Variants in FSTL5 observed in about 807,000 individuals in gnomAD.
FSTL5 encodes the protein follistatin like 5, also known as follistatin-related protein 5.
FSTL5 carries 62 observed loss-of-function variants against 89.1 expected under a neutral mutation model. That is an observed-to-expected ratio of 0.70 (90% CI 0.57 to 0.86). The LOEUF is 0.86. Among genes scored for constraint, FSTL5 ranks in the 40% least tolerant of loss-of-function variants. The pLI is 0.00. For missense variants in FSTL5, 1,057 were observed against 1,001.6 expected, an observed-to-expected ratio of 1.06 and a Z score of -0.75; for synonymous variants, 383 against 346.2, an observed-to-expected ratio of 1.11 and a Z score of -1.18.
At chr4:161,794,468 T>G (rs181852199) in intron 4 of FSTL5, among the ~76,000 whole-genome samples, 5 of 152,200 alleles carry the variant, frequency 3.3e-5, no homozygotes, top group African/African-American at 1.2e-4. Context: ...CATATTAAGG[T>G]AATTGTAAAT....
intron 15 of FSTL5, among the ~76,000 whole-genome samples, chr4:161,407,844 C>T (rs992774641): frequency 1.3e-5 from 2 of 152,200 alleles, no homozygotes; most frequent in African/African-American, 2.4e-5. Flanking sequence ...CTTTGCTCCA[C>T]CTCAATGTGT....
chr4:161,984,637 C>A (rs1486667440), intron 3 of FSTL5, among the ~76,000 whole-genome samples: 1 of 152,108 alleles, frequency 6.6e-6, no homozygotes, highest in African/African-American at 2.4e-5. Context: ...GTCTTTCCCC[C>A]TTAGCCTCCC....
intron 4 of FSTL5, among the ~76,000 whole-genome samples, chr4:161,808,666 A>G (rs578254410): frequency 6.6e-6 from 1 of 152,286 alleles, no homozygotes; most frequent in South Asian, 2.1e-4. Flanking sequence ...ATCAAAATTG[A>G]AAACTGTTCA....
chr4:161,861,306 C>A (rs1158302240), intron 4 of FSTL5, among the ~76,000 whole-genome samples: 1 of 152,234 alleles, frequency 6.6e-6, no homozygotes, highest in South Asian at 2.1e-4. Context: ...GCCGCAATCG[C>A]AGCTGCTTGG....
At chr4:161,500,286 A>C in intron 11 of FSTL5, 152 bp from the exon 12 acceptor site, 2 of 551,060 alleles carry the variant, frequency 3.6e-6, no homozygotes, top group Non-Finnish European at 6.4e-6. Flanking sequence ...CTTACTGTAT[A>C]CTCGCACCAC....
chr4:161,731,659 A>G (rs1414884913), intron 6 of FSTL5, among the ~76,000 whole-genome samples: 9 of 151,970 alleles, frequency 5.9e-5, no homozygotes, highest in African/African-American at 2.2e-4. Context: ...TCTTTATAGC[A>G]CTATGAGAAT....
intron 4 of FSTL5, among the ~76,000 whole-genome samples, chr4:161,902,805 C>A (rs12506283): frequency 0.093 from 14,129 of 152,024 alleles, 705 homozygotes; most frequent in East Asian, 0.17. Context: ...GCCGAGATCG[C>A]GCCACTGCAC....
chr4:161,968,616 T>A (rs981420641), intron 3 of FSTL5, among the ~76,000 whole-genome samples: 10 of 151,998 alleles, frequency 6.6e-5, no homozygotes, highest in Non-Finnish European at 1.0e-4. Flanking sequence ...TTAGAAGGGA[T>A]CCCAGAGATG....
At chr4:161,574,601 G>A (rs1733146708) in intron 8 of FSTL5, among the ~76,000 whole-genome samples, 1 of 152,100 alleles carries the variant, frequency 6.6e-6, no homozygotes. Context: ...TTATGAGTGA[G>A]AACATACGGT....
intron 10 of FSTL5, among the ~76,000 whole-genome samples, chr4:161,524,519 A>G (rs1731144008): frequency 6.6e-6 from 1 of 152,030 alleles, no homozygotes; most frequent in South Asian, 2.1e-4. Flanking sequence ...CAAAGCTTGT[A>G]TGTCTTTTCT....
Position 161,538,219 on chromosome 4 carries a change from C to A in FSTL5, c.1259G>T (p.Gly420Val). The change falls in exon 10 of 16, where the codon GGA (glycine) becomes GTA (valine). Residue 420 changes from glycine (G) to valine (V), a missense_variant. This residue lies in a region of FSTL5 where 980 missense variants were observed against 903.2 expected (regional missense o/e 1.08). Coordinates refer to ENST00000306100, the MANE Select transcript of FSTL5 (RefSeq NM_020116.5). ...AAGAGAAGAGATGTCTTCATCCACTCCTGCTTCATTCTTTGCGATACAAGT... is the reference window on the plus strand; with the variant it reads ...AAGAGAAGAGATGTCTTCATCCACTACTGCTTCATTCTTTGCGATACAAGT... ...AYTCIAKNEA[G>V]VDEDISSLFV... 1 of 1,614,038 alleles carries A rather than the reference C, an allele frequency of 6.2e-7. No homozygotes were observed. Among genetic ancestry groups the A allele is most frequent in the Non-Finnish European group, 8.5e-7 (1 of 1,179,946 alleles).
At chr4:161,455,163 T>C (rs763445066) in intron 14 of FSTL5, 35 bp from the exon 15 acceptor site, 17 of 1,531,906 alleles carry the variant, frequency 1.1e-5, no homozygotes, top group Non-Finnish European at 1.4e-5. Flanking sequence ...ACCTCAACAA[T>C]GCAGTCACTT....
intron 15 of FSTL5, among the ~76,000 whole-genome samples, chr4:161,429,486 C>T (rs1732278327): frequency 6.6e-6 from 1 of 152,272 alleles, no homozygotes. Context: ...TTTGTATCAC[C>T]CCTCCGCCAG....
rs149019995 is a variant in FSTL5 at position 162,150,848 on chromosome 4, T to C, written c.-17+12767A>G. ...TAAAAGCATAACTGAATTTCAAATA[T>C]ACGTTTCAAAAGTTTGTAGATCACT... On this transcript the variant is annotated intron_variant, in intron 1 of 15. Coordinates refer to ENST00000306100, the MANE Select transcript of FSTL5 (RefSeq NM_020116.5). Among the ~76,000 whole-genome samples, 494 of 152,278 alleles carry C rather than the reference T, an allele frequency of 3.2e-3. 2 individuals are homozygous for C. Among genetic ancestry groups the C allele is most frequent in the Non-Finnish European group, 4.9e-3 (331 of 67,982 alleles).
intron 15 of FSTL5, among the ~76,000 whole-genome samples, chr4:161,390,817 C>T (rs1403437401): frequency 6.6e-6 from 1 of 152,094 alleles, no homozygotes; most frequent in Non-Finnish European, 1.5e-5. Flanking sequence ...CACTGCCTGT[C>T]TCCAGAGTCC....
At chr4:161,693,812 GTA>G (rs1034789624) in intron 6 of FSTL5, among the ~76,000 whole-genome samples, 1 of 151,444 alleles carries the variant, frequency 6.6e-6, no homozygotes, top group Non-Finnish European at 1.5e-5. Context: ...CTACTTTTTT[GTA>G]TTTTTAGTAG....
At chr4:161,772,897 A>T (rs893758962) in intron 5 of FSTL5, among the ~76,000 whole-genome samples, 7 of 152,184 alleles carry the variant, frequency 4.6e-5, no homozygotes, top group Admixed American at 4.6e-4. Flanking sequence ...ATGCAAGGCT[A>T]AGCAAAAAGA....
At chr4:161,579,095 T>A (rs917745206) in intron 8 of FSTL5, among the ~76,000 whole-genome samples, 1 of 152,140 alleles carries the variant, frequency 6.6e-6, no homozygotes, top group African/African-American at 2.4e-5. Context: ...CTCTGAAAGA[T>A]ATGTAACTTT....
chr4:162,130,430 C>T (rs1732254870), intron 1 of FSTL5, among the ~76,000 whole-genome samples: 1 of 152,134 alleles, frequency 6.6e-6, no homozygotes, highest in Admixed American at 6.5e-5. Flanking sequence ...AACTAAATAT[C>T]CATGCCCTAT....
Sources: gnomAD v4.1 joint callset for allele counts (sites outside exome capture counted in the v4.1 genomes callset) on GRCh38, gnomAD v4.1.1 for gene constraint, gnomAD v4.1.1 regional missense constraint, MANE v1.5 for transcripts, NCBI Gene and HGNC (gene_info 2026-07-23, HGNC 2026-07-21) for gene names.